NEO1: variants seen among roughly 807,000 people sequenced by gnomAD.
The protein encoded by NEO1 is neogenin 1.
NEO1 carries 63 observed loss-of-function variants against 159.7 expected under a neutral mutation model. That is an observed-to-expected ratio of 0.39 (90% CI 0.32 to 0.49). The LOEUF is 0.49. Ranked by LOEUF, NEO1 falls within the 20% of genes least tolerant of loss-of-function variation. The probability of loss-of-function intolerance (pLI) is 0.85; values close to 1 mark genes in which losing one functional copy is unlikely to be tolerated. For missense variants in NEO1, 1,615 were observed against 1,831.0 expected (o/e 0.88, Z 2.15); for synonymous variants, 633 against 662.0 (o/e 0.96, Z 0.67).
intron 5 of NEO1, chr15:73,162,961 A>G (rs1230148729): frequency 2.4e-5 from 4 of 167,630 alleles, no homozygotes; most frequent in African/African-American, 9.4e-5. Context: ...GGTGGGAGAG[A>G]AAGCAGATAG....
intron 26 of NEO1, among the ~76,000 whole-genome samples, chr15:73,294,932 A>G (rs2042297832): frequency 6.6e-6 from 1 of 151,390 alleles, no homozygotes. Context: ...AACATTAGCT[A>G]CTCCCAAAGC....
intron 7 of NEO1, among the ~76,000 whole-genome samples, chr15:73,183,201 CAG>C (rs954171960): frequency 5.9e-5 from 9 of 152,036 alleles, no homozygotes; most frequent in African/African-American, 1.9e-4. Context: ...TCTGCAGCTG[CAG>C]AGAGAGAATG....
At chr15:73,244,954 C>CAAAAAAAAAAAAA (rs57566986) in intron 9 of NEO1, among the ~76,000 whole-genome samples, 312 of 16,502 alleles carry the variant, frequency 0.019, 61 homozygotes, top group Non-Finnish European at 0.029. Context: ...GACTCTGTCT[C>CAAAAAAAAAAAAA]AAAAAAAAAA....
chr15:73,070,636 G>A (rs1325499696), intron 1 of NEO1, among the ~76,000 whole-genome samples: 1 of 152,116 alleles, frequency 6.6e-6, no homozygotes, highest in Non-Finnish European at 1.5e-5. Flanking sequence ...TTGAAACCAT[G>A]GATAGTATCA....
chr15:73,212,396 C>G (rs2037631389), intron 7 of NEO1, among the ~76,000 whole-genome samples: 1 of 152,130 alleles, frequency 6.6e-6, no homozygotes, highest in Admixed American at 6.5e-5. Context: ...CTTCTATCCA[C>G]CTTCTTCTTT....
intron 5 of NEO1, among the ~76,000 whole-genome samples, chr15:73,168,379 T>G (rs995696051): frequency 5.1e-4 from 26 of 51,246 alleles, no homozygotes; most frequent in East Asian, 1.7e-3. Flanking sequence ...AGACGGGGGG[T>G]GGGGGGGGGG....
chr15:73,139,356 C>T (rs1297707889), intron 5 of NEO1, among the ~76,000 whole-genome samples: 1 of 151,938 alleles, frequency 6.6e-6, no homozygotes, highest in Non-Finnish European at 1.5e-5. Flanking sequence ...GACGCTCCTG[C>T]CAGTAATGGA....
chr15:73,135,177 G>C (rs2031607245), intron 4 of NEO1, among the ~76,000 whole-genome samples: 1 of 152,190 alleles, frequency 6.6e-6, no homozygotes, highest in Admixed American at 6.5e-5. Context: ...TTTGATCAGA[G>C]TATTGATTGT....
rs372881619 is a variant in NEO1, at chr15:73,071,484, G to T, written c.130+18679G>T. Among the ~76,000 whole-genome samples, 76 of 152,216 alleles carry T rather than the reference G, an allele frequency of 5.0e-4. 3 individuals are homozygous for T. The highest frequency in any genetic ancestry group is 1.7e-3 in the African/African-American group (72 of 41,548). ...CCAGGGAAAAATGTAATTTATGTAT[G>T]ATGGGGTAGTTGCTATTTATTCACT... On this transcript the variant is annotated intron_variant, in intron 1 of 28. Transcript: ENST00000261908.
chr15:73,195,519 T>C (rs901563487), intron 7 of NEO1, among the ~76,000 whole-genome samples: 3 of 152,198 alleles, frequency 2.0e-5, no homozygotes, highest in African/African-American at 4.8e-5. Context: ...TAATTTGATA[T>C]GCATTTAGAG....
chr15:73,186,685 A>G (rs1392768318), intron 7 of NEO1, among the ~76,000 whole-genome samples: 7 of 152,116 alleles, frequency 4.6e-5, no homozygotes, highest in Non-Finnish European at 8.8e-5. Context: ...ATATCAGTAT[A>G]TATTTGTCTT....
At chr15:73,245,285 C>G (rs1009170076) in intron 9 of NEO1, among the ~76,000 whole-genome samples, 10 of 152,160 alleles carry the variant, frequency 6.6e-5, no homozygotes, top group Non-Finnish European at 1.5e-4. Flanking sequence ...GATTGTCTGT[C>G]TTTAGGCATA....
chr15:73,272,693 A>G (rs2041227329), intron 19 of NEO1, 131 bp downstream of exon 19: 1 of 670,160 alleles, frequency 1.5e-6, no homozygotes, highest in East Asian at 2.8e-5. Context: ...GTAAGGTGTG[A>G]GTCATGATGG....
chr15:73,224,111 G>A (rs977719517), intron 7 of NEO1, among the ~76,000 whole-genome samples: 1 of 152,140 alleles, frequency 6.6e-6, no homozygotes, highest in Admixed American at 6.5e-5. Context: ...TATGTTTGAG[G>A]AGGCTGAAGA....
chr15:73,207,378 C>T (rs1417424065), intron 7 of NEO1, among the ~76,000 whole-genome samples: 1 of 152,116 alleles, frequency 6.6e-6, no homozygotes, highest in Non-Finnish European at 1.5e-5. Flanking sequence ...CAAATTCTAT[C>T]CCAGCAAACT....
At chr15:73,274,504 G>A (rs1355392993) in intron 20 of NEO1, among the ~76,000 whole-genome samples, 188 bp from the exon 21 acceptor site, 1 of 152,154 alleles carries the variant, frequency 6.6e-6, no homozygotes, top group East Asian at 1.9e-4. Context: ...TTTAACTGGG[G>A]ACTGAATCTA....
intron 1 of NEO1, among the ~76,000 whole-genome samples, chr15:73,108,800 C>G (rs78341827): frequency 0.029 from 4,348 of 152,240 alleles, 100 homozygotes; most frequent in Non-Finnish European, 0.04. Context: ...GCTAGCCATG[C>G]GACAGAGAGT....
chr15:73,269,940 C>T, intron 16 of NEO1, 70 bp from the exon 17 acceptor site: 1 of 1,217,592 alleles, frequency 8.2e-7, no homozygotes, highest in Non-Finnish European at 1.2e-6. Context: ...TATTACCCTG[C>T]ATTTCCCTTT....
intron 26 of NEO1, among the ~76,000 whole-genome samples, chr15:73,295,151 T>TATATATA (rs1555470520): frequency 6.9e-6 from 1 of 145,550 alleles, no homozygotes. Flanking sequence ...TATGTAAAAA[T>TATATATA]TTGGCCTTTC....
Sources: gnomAD v4.1 joint callset for allele counts (sites outside exome capture counted in the v4.1 genomes callset) on GRCh38, gnomAD v4.1.1 for gene constraint, MANE v1.5 for transcripts, NCBI Gene and HGNC (gene_info 2026-07-23, HGNC 2026-07-21) for gene names.